SCFD1: variants seen among roughly 807,000 people sequenced by gnomAD.
SCFD1 encodes sec1 family domain containing 1.
Under a neutral mutation model 103.2 loss-of-function variants are expected in SCFD1, and 37 were observed. That is an observed-to-expected ratio of 0.36 (90% confidence interval 0.28 to 0.47). The LOEUF is 0.47. SCFD1 is among the 20% of genes least tolerant of loss of function. The pLI is 1.00. For synonymous variants in SCFD1, 264 were observed against 245.0 expected, an observed-to-expected ratio of 1.08 and a Z score of -0.73; for missense variants, 639 against 761.2, an observed-to-expected ratio of 0.84 and a Z score of 1.89.
intron 13 of SCFD1, among the ~76,000 whole-genome samples, chr14:30,674,606 C>T (rs1255421340): frequency 6.6e-6 from 1 of 151,914 alleles, no homozygotes; most frequent in Non-Finnish European, 1.5e-5. Flanking sequence ...CGAGATAGCA[C>T]CATTGCACTC....
At chr14:30,728,046 T>G (rs1415762211) in intron 23 of SCFD1, among the ~76,000 whole-genome samples, 1 of 152,162 alleles carries the variant, frequency 6.6e-6, no homozygotes. Flanking sequence ...GTAATCCATA[T>G]CCATGTTCTA....
At chr14:30,635,053 C>T in intron 4 of SCFD1, 1 of 431,714 alleles carries the variant, frequency 2.3e-6, no homozygotes. Context: ...CAGTGTCTTC[C>T]ACAAGTCACA....
intron 2 of SCFD1, among the ~76,000 whole-genome samples, 171 bp from the exon 3 acceptor site, chr14:30,630,306 T>C (rs1036140985): frequency 3.9e-5 from 6 of 152,158 alleles, no homozygotes; most frequent in African/African-American, 4.8e-5. Context: ...TGTCTTAATA[T>C]AGGTTCACTA....
chr14:30,693,845 CA>C (rs1272836904), intron 14 of SCFD1, among the ~76,000 whole-genome samples: 3 of 152,066 alleles, frequency 2.0e-5, no homozygotes, highest in Non-Finnish European at 4.4e-5. Context: ...TGATTATTAA[CA>C]CCCTCAATAG....
chr14:30,672,227 A>C (rs1169361325), intron 11 of SCFD1, among the ~76,000 whole-genome samples: 5 of 152,096 alleles, frequency 3.3e-5, no homozygotes, highest in African/African-American at 1.2e-4. Flanking sequence ...AGTTTCCATT[A>C]TAATTAGATG....
At chr14:30,677,430 G>A (rs1012908456) in intron 14 of SCFD1, among the ~76,000 whole-genome samples, 2 of 151,996 alleles carry the variant, frequency 1.3e-5, no homozygotes, top group African/African-American at 4.8e-5. Flanking sequence ...TTTACAGAGG[G>A]AAAATAATGT....
intron 1 of SCFD1, among the ~76,000 whole-genome samples, chr14:30,624,342 G>T (rs1359007406): frequency 6.6e-6 from 1 of 152,158 alleles, no homozygotes; most frequent in Non-Finnish European, 1.5e-5. Flanking sequence ...TAGCGCCTTA[G>T]CTTTCAGTAT....
At chr14:30,661,815 G>A (rs1010409268) in intron 10 of SCFD1, among the ~76,000 whole-genome samples, 2 of 152,078 alleles carry the variant, frequency 1.3e-5, no homozygotes, top group South Asian at 2.1e-4. Flanking sequence ...ATTAGTTTTA[G>A]GGATGAGCTT....
Position 30,639,794 on chromosome 14 carries a change from C to A in SCFD1, c.453C>A (p.Leu151=). The change falls in exon 6 of 25, where the codon CTC becomes CTA. Residue 151 remains leucine (L), a synonymous_variant. Transcript: ENST00000458591. Reference sequence around the variant, plus strand: ...GTTTCTAGGTTTTTGACCAATATCTCAATTTTATTACTTTGGAAGATGATA... The same window carrying A: ...GTTTCTAGGTTTTTGACCAATATCTAAATTTTATTACTTTGGAAGATGATA... ...TQVAKVFDQY[L]NFITLEDDMF... 1 of 1,576,974 alleles carries A rather than the reference C, an allele frequency of 6.3e-7. No individual in the cohort carries two copies. The highest frequency in any genetic ancestry group is 1.2e-5 in the South Asian group (1 of 86,384).
intron 2 of SCFD1, among the ~76,000 whole-genome samples, chr14:30,628,830 A>G (rs1486846195): frequency 6.6e-6 from 1 of 152,206 alleles, no homozygotes; most frequent in Non-Finnish European, 1.5e-5. Context: ...GTTATAATAC[A>G]GTTGATTGGG....
chr14:30,645,273 C>T (rs1275070587), intron 7 of SCFD1, among the ~76,000 whole-genome samples: 1 of 152,180 alleles, frequency 6.6e-6, no homozygotes, highest in Non-Finnish European at 1.5e-5. Context: ...TTGTGTAATG[C>T]TCCCAGCTTT....
At chr14:30,639,347 T>C (rs1481068549) in intron 5 of SCFD1, among the ~76,000 whole-genome samples, 1 of 152,246 alleles carries the variant, frequency 6.6e-6, no homozygotes. Context: ...TCTCCTACTC[T>C]GCACTTCCAA....
chr14:30,719,351 T>C lies in SCFD1; in HGVS notation c.1710T>C (p.Asp570=). ...AAACTGATGACTATAGATATTTTGA[T>C]CCCAAAATGCTGCGGGGCAATGACA... ...NPETDDYRYF[D]PKMLRGNDSS... The change falls in exon 21 of 25, where the codon GAT becomes GAC. Residue 570 remains aspartate (D), a synonymous_variant. Coordinates refer to ENST00000458591, the MANE Select transcript of SCFD1 (RefSeq NM_016106.4). The C allele has an allele frequency of 6.2e-7, 1 of 1,606,362 alleles. No homozygotes were observed. Among genetic ancestry groups the C allele is most frequent in the Non-Finnish European group, 8.5e-7 (1 of 1,176,780 alleles).
intron 10 of SCFD1, among the ~76,000 whole-genome samples, chr14:30,656,192 C>A (rs531576889): frequency 7.2e-5 from 11 of 152,004 alleles, no homozygotes; most frequent in Non-Finnish European, 1.3e-4. Flanking sequence ...GTCTGGAGTT[C>A]AGGAAAAAAG....
At chr14:30,633,881 A>G in intron 3 of SCFD1, 66 bp from the exon 4 acceptor site, 1 of 904,076 alleles carries the variant, frequency 1.1e-6, no homozygotes, top group Non-Finnish European at 1.7e-6. Flanking sequence ...GTGAACTCCC[A>G]TTTTGAGGAA....
At chr14:30,670,179 C>T in intron 10 of SCFD1, 77 bp from the exon 11 acceptor site, 1 of 1,179,112 alleles carries the variant, frequency 8.5e-7, no homozygotes, top group East Asian at 2.6e-5. Flanking sequence ...TCCTTGGAAA[C>T]ATTAGAAAGG....
rs118105821 is a variant in SCFD1 at position 30,675,020 on chromosome 14, T to A, written c.1197T>A (p.Ile399=). The change falls in exon 14 of 25, where the codon ATT becomes ATA. Residue 399 remains isoleucine, a synonymous_variant. Coordinates refer to ENST00000458591, the MANE Select transcript of SCFD1 (RefSeq NM_016106.4). The part of the protein sequence containing the change: ...LPELLEKKRL[I]DLHTNVATAV... Reference sequence around the variant, plus strand: ...AACTCCTTGAGAAAAAAAGACTTATTGATCTCCATACAAATGTTGCCACTG... The same window carrying A: ...AACTCCTTGAGAAAAAAAGACTTATAGATCTCCATACAAATGTTGCCACTG... 4.4e-4 allele frequency: 704 copies of A among 1,591,966 alleles called. 10 individuals are homozygous for A. In the East Asian group the frequency reaches 0.016, roughly 35 times the overall value.
intron 10 of SCFD1, among the ~76,000 whole-genome samples, chr14:30,664,066 T>G (rs1157097555): frequency 1.3e-5 from 2 of 152,156 alleles, no homozygotes; most frequent in Non-Finnish European, 2.9e-5. Flanking sequence ...ATGGACAGAC[T>G]GCCTCCTCAA....
intron 22 of SCFD1, among the ~76,000 whole-genome samples, chr14:30,722,292 T>C (rs1196981299): frequency 1.3e-5 from 2 of 152,128 alleles, no homozygotes; most frequent in African/African-American, 4.8e-5. Flanking sequence ...TCCTCTAAAT[T>C]GTTTCTGAAA....
Sources: allele counts gnomAD v4.1 joint callset (sites outside exome capture counted in the v4.1 genomes callset), GRCh38; gene constraint gnomAD v4.1.1; transcripts MANE v1.5; gene names NCBI Gene and HGNC (gene_info 2026-07-23, HGNC 2026-07-21).